The following MPPED2 variants were observed in gnomAD, a reference collection of about 807,000 sequenced individuals.
MPPED2 encodes metallophosphoesterase MPPED2.
A neutral mutation model predicts 33.0 loss-of-function variants in MPPED2; 5 were observed. The observed-to-expected ratio is 0.15, with a 90% CI of 0.08 to 0.32. The LOEUF is 0.32. Among genes scored for constraint, MPPED2 ranks in the 10% least tolerant of loss-of-function variants. MPPED2 has a pLI of 1.00. For missense variants in MPPED2, 275 were observed against 372.1 expected, an observed-to-expected ratio of 0.74 and a Z score of 2.15; for synonymous variants, 136 against 141.9, an observed-to-expected ratio of 0.96 and a Z score of 0.29.
At chr11:30,572,841 A>G (rs1956765240) in intron 2 of MPPED2, among the ~76,000 whole-genome samples, 1 of 152,164 alleles carries the variant, frequency 6.6e-6, no homozygotes, top group South Asian at 2.1e-4. Context: ...AATATGACTA[A>G]TGATGTGGGA....
intron 2 of MPPED2, among the ~76,000 whole-genome samples, chr11:30,576,153 G>C (rs960620344): frequency 1.2e-4 from 18 of 152,236 alleles, no homozygotes; most frequent in African/African-American, 4.1e-4. Context: ...TTTGAGATAG[G>C]CATTACTTTT....
chr11:30,403,012 G>A (rs185892829), intron 6 of MPPED2, among the ~76,000 whole-genome samples: 35 of 152,320 alleles, frequency 2.3e-4, no homozygotes, highest in Middle Eastern at 3.4e-3. Context: ...TCGGGAGGCC[G>A]AGGCAGGCAG....
At chr11:30,535,416 C>G (rs369449868) in intron 3 of MPPED2, among the ~76,000 whole-genome samples, 1 of 152,050 alleles carries the variant, frequency 6.6e-6, no homozygotes, top group Non-Finnish European at 1.5e-5. Context: ...TGCTATTATC[C>G]TTTTTACAGG....
chr11:30,532,310 A>G (rs1393413271), intron 3 of MPPED2, among the ~76,000 whole-genome samples: 1 of 152,028 alleles, frequency 6.6e-6, no homozygotes, highest in East Asian at 1.9e-4. Context: ...AGGAGGTAGG[A>G]CTCCATGGCC....
At chr11:30,576,498 TTCC>T (rs1420684813) in intron 2 of MPPED2, among the ~76,000 whole-genome samples, 1 of 152,168 alleles carries the variant, frequency 6.6e-6, no homozygotes, top group Non-Finnish European at 1.5e-5. Flanking sequence ...TCCTATGGCA[TTCC>T]AATAACACGG....
At chr11:30,384,303 GTATAAAGTATGACA>G (rs1947677265), downstream of MPPED2, among the ~76,000 whole-genome samples, 6 of 152,104 alleles carry the variant, frequency 3.9e-5, no homozygotes, top group Admixed American at 2.0e-4. Flanking sequence ...TTAGCAACAT[GTATAAAGTATGACA>G]AAGCAGGTAT....
At chr11:30,425,343 G>A (rs769838395) in intron 4 of MPPED2, among the ~76,000 whole-genome samples, 3 of 152,034 alleles carry the variant, frequency 2.0e-5, no homozygotes, top group Non-Finnish European at 4.4e-5. Flanking sequence ...GGTGTAAGCA[G>A]AGTTTACTGT....
intron 2 of MPPED2, among the ~76,000 whole-genome samples, chr11:30,538,837 T>C (rs1412560465): frequency 6.6e-6 from 1 of 152,102 alleles, no homozygotes; most frequent in Non-Finnish European, 1.5e-5. Flanking sequence ...GTGAGGCGTA[T>C]ACAGATGCAG....
chr11:30,489,931 T>C (rs950512716), intron 4 of MPPED2, among the ~76,000 whole-genome samples: 10 of 151,348 alleles, frequency 6.6e-5, no homozygotes, highest in Non-Finnish European at 1.5e-4. Flanking sequence ...TTCTGCACAG[T>C]ATCTTAGTAT....
intron 2 of MPPED2, among the ~76,000 whole-genome samples, chr11:30,548,714 T>G (rs1285704337): frequency 6.6e-6 from 1 of 152,084 alleles, no homozygotes; most frequent in Non-Finnish European, 1.5e-5. Context: ...AGAACTGGAG[T>G]AATGTCATTA....
chr11:30,550,066 A>G (rs1955625830), intron 2 of MPPED2, among the ~76,000 whole-genome samples: 1 of 152,176 alleles, frequency 6.6e-6, no homozygotes. Flanking sequence ...TAATGACTCA[A>G]CATTTTAATG....
intron 2 of MPPED2, among the ~76,000 whole-genome samples, chr11:30,566,859 A>G (rs1207650227): frequency 6.6e-6 from 1 of 152,194 alleles, no homozygotes; most frequent in African/African-American, 2.4e-5. Context: ...GGACAGTATC[A>G]CTCACAGGTT....
At chr11:30,408,708 A>G (rs532597524), downstream of MPPED2, among the ~76,000 whole-genome samples, 66 of 152,116 alleles carry the variant, frequency 4.3e-4, no homozygotes, top group African/African-American at 1.4e-3. Context: ...TGAACCTTCC[A>G]TTTTTCCTAG....
At chr11:30,498,146 A>G (rs914273743) in intron 3 of MPPED2, among the ~76,000 whole-genome samples, 1 of 151,892 alleles carries the variant, frequency 6.6e-6, no homozygotes, top group African/African-American at 2.4e-5. Flanking sequence ...AAATAGCAAC[A>G]CTTTAAAATT....
At chr11:30,388,711 C>G in exon 7 of MPPED2, 1 of 732,006 alleles carries the variant, frequency 1.4e-6, no homozygotes, top group Non-Finnish European at 2.0e-6. Flanking sequence ...TCCTGTTGTC[C>G]ACCAGGTGAG....
At chr11:30,446,969 C>T (rs537628154) in intron 4 of MPPED2, among the ~76,000 whole-genome samples, 5 of 152,208 alleles carry the variant, frequency 3.3e-5, no homozygotes, top group African/African-American at 1.2e-4. Flanking sequence ...ACAAAGTTAA[C>T]GTATTGGGTG....
At chr11:30,484,659 T>C (rs1208239082) in intron 4 of MPPED2, among the ~76,000 whole-genome samples, 1 of 152,168 alleles carries the variant, frequency 6.6e-6, no homozygotes, top group Non-Finnish European at 1.5e-5. Flanking sequence ...TGATACTCCA[T>C]GTAAGTGACC....
intron 3 of MPPED2, among the ~76,000 whole-genome samples, chr11:30,523,714 A>G (rs775492262): frequency 7.0e-6 from 1 of 142,104 alleles, no homozygotes; most frequent in Non-Finnish European, 1.5e-5. Context: ...CGCAACCTCC[A>G]CATCCCAGGT....
At chr11:30,527,871 C>A (rs1954287209) in intron 3 of MPPED2, among the ~76,000 whole-genome samples, 1 of 152,206 alleles carries the variant, frequency 6.6e-6, no homozygotes, top group Admixed American at 6.5e-5. Context: ...AGAGCTGTCA[C>A]TGCACAGCAT....
Sources: gnomAD v4.1 joint callset for allele counts (sites outside exome capture counted in the v4.1 genomes callset) on GRCh38, gnomAD v4.1.1 for gene constraint, MANE v1.5 for transcripts, NCBI Gene and HGNC (gene_info 2026-07-23, HGNC 2026-07-21) for gene names.